The following UTP20 variants were observed in gnomAD, a reference collection of about 807,000 sequenced individuals.
UTP20 encodes small subunit processome component 20 homolog.
UTP20 carries 164 observed loss-of-function variants against 329.5 expected under a neutral mutation model. The ratio of observed to expected loss-of-function variants is 0.50; its 90% CI spans 0.44 to 0.57. The LOEUF is 0.57. Among genes scored for constraint, UTP20 ranks in the 20% least tolerant of loss-of-function variants. The pLI, the probability that UTP20 is intolerant of heterozygous loss-of-function variation, is 0.00. For missense variants in UTP20, 3,055 were observed against 3,284.2 expected (o/e 0.93, Z 1.71); for synonymous variants, 1,151 against 1,159.3 (o/e 0.99, Z 0.14).
intron 23 of UTP20, among the ~76,000 whole-genome samples, chr12:101,320,509 T>C (rs556917266): frequency 3.0e-4 from 45 of 151,052 alleles, no homozygotes; most frequent in Non-Finnish European, 3.8e-4. Flanking sequence ...TGAGTCGAGA[T>C]CGTATCACTG....
chr12:101,382,325 G>A lies in UTP20; in HGVS notation c.7657-716G>A, dbSNP rs965837915. Among the ~76,000 whole-genome samples the A allele has an allele frequency of 3.3e-5, 5 of 152,110 alleles. No homozygotes were observed. In the East Asian group the frequency reaches 5.8e-4, roughly 18 times the overall value. On this transcript the variant is annotated intron_variant, in intron 58 of 61. Transcript: ENST00000261637. ...GAGGCATAAGAATTGCTTGAACCCA[G>A]AGGCAGAGGTTTCACTGAGCCGAGA... is the stretch of plus-strand genomic sequence containing the variant.
rs755486538 is a variant in UTP20, at chr12:101,329,315, C to A, written c.3283C>A (p.His1095Asn). ...LSKVLPLGRQ[H>N]GILNSLEIVL... ...TAAAGTTCTTCCTTTAGGTCGTCAG[C>A]ACGGTATCTTAAACAGCCTTGAGAT... The change falls in exon 27 of 62, where the codon CAC becomes AAC. Residue 1095 changes from histidine (H) to asparagine (N), a missense_variant. Around this residue, in one of 3 missense-constraint regions of UTP20, gnomAD observed 2,445 missense variants for 2,575.5 expected, o/e 0.95. Coordinates refer to ENST00000261637, the MANE Select transcript of UTP20 (RefSeq NM_014503.3). 6.2e-7 allele frequency: 1 copy of A among 1,614,100 alleles called. No homozygotes were observed. Among genetic ancestry groups the A allele is most frequent in the Admixed American group, 1.7e-5 (1 of 60,010 alleles).
Position 101,344,658 on chromosome 12 carries a change from G to T in UTP20, c.4513G>T (p.Ala1505Ser). The change falls in exon 36 of 62, where the codon GCT (alanine) becomes TCT (serine). Residue 1505 changes from alanine (A) to serine (S), a missense_variant. Ala to Ser is a moderately conservative substitution (Grantham distance 99). Around this residue, in one of 3 missense-constraint regions of UTP20, gnomAD observed 2,445 missense variants for 2,575.5 expected, o/e 0.95. Transcript: ENST00000261637. ...MCLMSIIKKL[A>S]ALNVTEKDYR... is the part of the protein sequence containing the mutation. Reference sequence around the variant, plus strand: ...CCTGATGAGTATCATCAAAAAGCTAGCTGCCTTGAATGTCACAGAGAAAGA... The same window carrying T: ...CCTGATGAGTATCATCAAAAAGCTATCTGCCTTGAATGTCACAGAGAAAGA... 6.5e-7 allele frequency: 1 copy of T among 1,543,360 alleles called. No homozygotes were observed. The highest frequency in any genetic ancestry group is 9.0e-7 in the Non-Finnish European group (1 of 1,115,482).
chr12:101,292,416 C>T (rs140133937), intron 10 of UTP20, among the ~76,000 whole-genome samples: 85 of 152,198 alleles, frequency 5.6e-4, no homozygotes, highest in African/African-American at 1.9e-3. Flanking sequence ...CTGGCTATTC[C>T]AGGGTAAACA....
chr12:101,352,928 A>G (rs1869584554), intron 39 of UTP20, 119 bp from the exon 40 acceptor site: 2 of 486,912 alleles, frequency 4.1e-6, no homozygotes, highest in Non-Finnish European at 6.8e-6. Flanking sequence ...ACTTGTTAAA[A>G]TTAAAAATAC....
intron 17 of UTP20, among the ~76,000 whole-genome samples, chr12:101,307,177 C>CAA (rs1157893344): frequency 4.2e-5 from 3 of 71,748 alleles, no homozygotes; most frequent in East Asian, 4.2e-4. Flanking sequence ...GACTCCGTCT[C>CAA]AAAAAAAAAA....
chr12:101,348,004 T>A (rs868243180), intron 38 of UTP20, among the ~76,000 whole-genome samples: 4 of 152,148 alleles, frequency 2.6e-5, no homozygotes, highest in Non-Finnish European at 5.9e-5. Flanking sequence ...AATTTTTGTA[T>A]TTTTAGTAAA....
intron 43 of UTP20, among the ~76,000 whole-genome samples, chr12:101,360,448 C>T (rs557528529): frequency 1.3e-4 from 20 of 152,106 alleles, no homozygotes; most frequent in African/African-American, 4.1e-4. Flanking sequence ...AGACAGTGTC[C>T]CAATAAATCC....
In UTP20 at chr12:101,329,310, G is replaced by A. The variant is rs142628447; in HGVS notation, c.3278G>A (p.Arg1093His). Residue 1093 changes from arginine (R) to histidine (H), a missense_variant, in exon 27 of 62, where the codon CGT becomes CAT. Physicochemically the swap from Arg to His is conservative, Grantham distance 29. Transcript: ENST00000261637. ...TTGTCTAAAGTTCTTCCTTTAGGTC[G>A]TCAGCACGGTATCTTAAACAGCCTT... is the stretch of plus-strand genomic sequence containing the variant. ...LDLSKVLPLG[R>H]QHGILNSLEI... 4.8e-5 allele frequency: 77 copies of A among 1,614,084 alleles called. No individual in the cohort carries two copies. Among genetic ancestry groups the A allele is most frequent in the South Asian group, 7.7e-5 (7 of 91,080 alleles).
Position 101,344,735 on chromosome 12 carries a change from G to A in UTP20, c.4590G>A (p.Leu1530=), listed in dbSNP as rs756229663. The A allele has an allele frequency of 6.2e-7, 1 of 1,613,840 alleles. No individual in the cohort carries two copies. Residue 1530 remains leucine, a synonymous_variant, in exon 36 of 62, where the codon CTG becomes CTA. Coordinates refer to ENST00000261637, the MANE Select transcript of UTP20 (RefSeq NM_014503.3). ...RSLLEKLRKG[L]KSQTESIQQD... is the part of the protein sequence containing the mutation. ...TCCTGGAGAAATTGAGAAAAGGTCT[G>A]AAGAGCCAGACAGAGGTATATAACT...
intron 2 of UTP20, among the ~76,000 whole-genome samples, chr12:101,283,329 C>T (rs1466010072): frequency 6.6e-6 from 1 of 152,158 alleles, no homozygotes; most frequent in Non-Finnish European, 1.5e-5. Flanking sequence ...CTCTTATTCC[C>T]CAATAAGCTA....
At chr12:101,331,248 G>T (rs1868748037) in intron 27 of UTP20, among the ~76,000 whole-genome samples, 1 of 152,194 alleles carries the variant, frequency 6.6e-6, no homozygotes, top group African/African-American at 2.4e-5. Flanking sequence ...AGAACATGCA[G>T]ATTGTACCCA....
intron 47 of UTP20, 117 bp from the exon 48 acceptor site, chr12:101,367,743 A>T: frequency 2.9e-6 from 2 of 686,624 alleles, no homozygotes; most frequent in Admixed American, 4.5e-5. Flanking sequence ...ATGTTTTATC[A>T]TTTCTAATAG....
intron 43 of UTP20, among the ~76,000 whole-genome samples, chr12:101,357,390 A>G (rs983037342): frequency 6.6e-6 from 1 of 152,138 alleles, no homozygotes; most frequent in African/African-American, 2.4e-5. Context: ...TGTATTGACT[A>G]TTATCACTGG....
At chr12:101,379,292 G>A in intron 56 of UTP20, 79 bp from the exon 57 acceptor site, 1 of 1,336,280 alleles carries the variant, frequency 7.5e-7, no homozygotes, top group Non-Finnish European at 1.0e-6. Flanking sequence ...ATAATACTCT[G>A]TAAATGCTTA....
chr12:101,308,277 T>G lies in UTP20; in HGVS notation c.2088T>G (p.Leu696=). Residue 696 remains leucine, a synonymous_variant, in exon 18 of 62, where the codon CTT becomes CTG. Transcript: ENST00000261637. ...PATVNDYREK[L]LHLRKLRHDV... ...CTGTGAATGATTATAGAGAGAAGCT[T>G]CTTCATTTGAGAAAACTAAGACATG... The G allele has an allele frequency of 6.2e-7, 1 of 1,613,118 alleles. No homozygotes were observed. Among genetic ancestry groups the G allele is most frequent in the Non-Finnish European group, 8.5e-7 (1 of 1,179,576 alleles).
At chr12:101,321,317 T>C (rs984163422) in intron 24 of UTP20, among the ~76,000 whole-genome samples, 187 bp from the exon 25 acceptor site, 1 of 152,252 alleles carries the variant, frequency 6.6e-6, no homozygotes, top group African/African-American at 2.4e-5. Context: ...TAATCCGTTA[T>C]ACCTTTTGAA....
At chr12:101,379,583 C>G (rs930750019) in intron 57 of UTP20, 25 bp downstream of exon 57, 2 of 1,596,458 alleles carry the variant, frequency 1.3e-6, no homozygotes, top group African/African-American at 2.7e-5. Flanking sequence ...AAACCTTTTC[C>G]TTCCCTCGTG....
At chr12:101,329,633 A>G (rs533103047) in intron 27 of UTP20, among the ~76,000 whole-genome samples, 184 bp downstream of exon 27, 20 of 152,338 alleles carry the variant, frequency 1.3e-4, no homozygotes, top group African/African-American at 4.6e-4. Context: ...ACATGCAGTC[A>G]AACATTACTA....
Sources: gnomAD v4.1 joint callset for allele counts (sites outside exome capture counted in the v4.1 genomes callset) on GRCh38, gnomAD v4.1.1 for gene constraint, gnomAD v4.1.1 regional missense constraint, MANE v1.5 for transcripts, NCBI Gene and HGNC (gene_info 2026-07-23, HGNC 2026-07-21) for gene names.